Variants in APC observed in about 807,000 individuals in gnomAD.
APC encodes the protein APC regulator of Wnt signaling pathway, also known as adenomatous polyposis coli protein.
In APC, 72 loss-of-function variants were observed where a neutral mutation model predicts 247.0. The observed-to-expected ratio is 0.29, with a 90% CI of 0.24 to 0.35. The LOEUF is 0.35. Among genes scored for constraint, APC ranks in the 10% least tolerant of loss-of-function variants. The pLI is 1.00. For synonymous variants in APC, 1,254 were observed against 1,162.5 expected (o/e 1.08, Z -1.60); for missense variants, 3,400 against 3,360.7 (o/e 1.01, Z -0.29).
rs750370679 is a variant in APC, at chr5:112,844,164, A to G, written c.*38A>G. 1.3e-6 allele frequency: 2 copies of G among 1,541,454 alleles called. No homozygotes were observed. The highest frequency in any genetic ancestry group is 2.3e-5 in the East Asian group (1 of 44,240). On this transcript the variant is annotated 3_prime_UTR_variant, in exon 16 of 16. Coordinates refer to ENST00000257430, the MANE Select transcript of APC (RefSeq NM_000038.6). ...ATGAAACTAAGAAAATTCTATGTTAATTACAACTGCTATATAGACATTTTG... is the reference window on the plus strand; with the variant it reads ...ATGAAACTAAGAAAATTCTATGTTAGTTACAACTGCTATATAGACATTTTG...
At chr5:112,741,057 G>A (rs1362345138) in intron 1 of APC, among the ~76,000 whole-genome samples, 1 of 152,080 alleles carries the variant, frequency 6.6e-6, no homozygotes, top group Non-Finnish European at 1.5e-5. Context: ...GAGTATTATG[G>A]TTCAGAAAAG....
chr5:112,772,850 A>G (rs1757213989), intron 4 of APC, among the ~76,000 whole-genome samples: 1 of 152,130 alleles, frequency 6.6e-6, no homozygotes, highest in Admixed American at 6.5e-5. Flanking sequence ...TTTATTAGGA[A>G]GTAATGGAGG....
intron 15 of APC, among the ~76,000 whole-genome samples, chr5:112,835,572 A>AT (rs11376379): frequency 0.16 from 21,525 of 132,912 alleles, 2,073 homozygotes; most frequent in African/African-American, 0.27. Flanking sequence ...CATAATAATA[A>AT]TTTTTTTTTT....
chr5:112,769,113 G>A (rs11949316), intron 4 of APC, among the ~76,000 whole-genome samples: 3,895 of 139,694 alleles, frequency 0.028, 165 homozygotes, highest in African/African-American at 0.098. Context: ...GTGCAGTGGC[G>A]CAATCTTGGC....
At chr5:112,759,356 CTTTTTTTTTTTTT>C (rs887438895) in intron 2 of APC, among the ~76,000 whole-genome samples, 1 of 122,358 alleles carries the variant, frequency 8.2e-6, no homozygotes, top group East Asian at 2.3e-4. Context: ...TTCTTTCTTT[CTTTTTTTTTTTTT>C]TTTTTTTGAG....
chr5:112,716,101 C>A (rs576361025), intron 1 of APC, among the ~76,000 whole-genome samples: 1 of 152,016 alleles, frequency 6.6e-6, no homozygotes, highest in South Asian at 2.1e-4. Context: ...TTTTCTGTTG[C>A]GTTAATTTCT....
intron 4 of APC, among the ~76,000 whole-genome samples, chr5:112,770,872 A>G (rs1033879884): frequency 2.0e-5 from 3 of 152,164 alleles, no homozygotes; most frequent in African/African-American, 4.8e-5. Flanking sequence ...ATACACATAC[A>G]TATATATAAG....
At chr5:112,729,875 G>A in intron 1 of APC, among the ~76,000 whole-genome samples, 1 of 152,040 alleles carries the variant, frequency 6.6e-6, no homozygotes, top group East Asian at 1.9e-4. Context: ...ATCTTACAAG[G>A]GCAGTGAAAC....
chr5:112,811,946 A>G (rs911361556), intron 8 of APC, among the ~76,000 whole-genome samples: 1 of 152,148 alleles, frequency 6.6e-6, no homozygotes, highest in Non-Finnish European at 1.5e-5. Flanking sequence ...TCTGCTTCTA[A>G]GTTCACTTAC....
chr5:112,794,406 T>C (rs1373876986), intron 7 of APC, among the ~76,000 whole-genome samples: 1 of 152,214 alleles, frequency 6.6e-6, no homozygotes. Flanking sequence ...AAAGAAAATA[T>C]GTGCAGCTAT....
chr5:112,752,981 G>A (rs192816206), intron 1 of APC, among the ~76,000 whole-genome samples: 60 of 152,168 alleles, frequency 3.9e-4, no homozygotes, highest in African/African-American at 1.4e-3. Context: ...CTCTTTTTGT[G>A]GTTGTGTAAG....
chr5:112,813,928 T>A (rs1762230946), intron 8 of APC, among the ~76,000 whole-genome samples: 1 of 152,180 alleles, frequency 6.6e-6, no homozygotes, highest in Non-Finnish European at 1.5e-5. Flanking sequence ...TTTACCTTCT[T>A]CAATTAGCCA....
chr5:112,715,276 G>A (rs1406389925), intron 1 of APC, among the ~76,000 whole-genome samples: 1 of 152,222 alleles, frequency 6.6e-6, no homozygotes, highest in Non-Finnish European at 1.5e-5. Flanking sequence ...CAGAGCCTGT[G>A]TTGTCTGAGC....
chr5:112,725,084 AGC>A (rs1751697941), intron 1 of APC, among the ~76,000 whole-genome samples: 1 of 152,036 alleles, frequency 6.6e-6, no homozygotes, highest in African/African-American at 2.4e-5. Context: ...CCTGGATTCA[AGC>A]CATTCTCGTG....
rs1370948333 is a variant in APC at position 112,842,375 on chromosome 5, C to G, written c.6781C>G (p.Pro2261Ala). The part of the protein sequence containing the change: ...PPLKTPASKS[P>A]SEGQTATTSP... ...CCTTAAGACTCCAGCCTCCAAAAGCCCTAGTGAAGGTCAAACAGCCACCAC... is the reference window on the plus strand; with the variant it reads ...CCTTAAGACTCCAGCCTCCAAAAGCGCTAGTGAAGGTCAAACAGCCACCAC... Residue 2261 changes from proline to alanine, a missense_variant, in exon 16 of 16, where the codon CCT (proline) becomes GCT (alanine). By Grantham distance (27) the Pro-to-Ala change is conservative (BLOSUM62 -1). Transcript: ENST00000257430. 1 of 1,614,044 alleles carries G rather than the reference C, an allele frequency of 6.2e-7. No homozygotes were observed. Among genetic ancestry groups the G allele is most frequent in the Non-Finnish European group, 8.5e-7 (1 of 1,179,960 alleles).
At position 112,841,555 on chromosome 5, in the gene APC, CAA is replaced by C. The variant is rs758682585; in HGVS notation, c.5963_5964del (p.Lys1988ArgfsTer3). 1.2e-6 allele frequency: 2 copies of C among 1,613,962 alleles called. No individual in the cohort carries two copies. The highest frequency in any genetic ancestry group is 1.7e-5 in the Admixed American group (1 of 59,998). ...ACAACAATAAAGAAAATGAACCTAT[CAA>C]AGAGACTGAGCCCCCTGACTCACAG... The part of the protein sequence containing the change: ...ENNNKENEPI[K>X]ETEPPDSQGE... On this transcript the variant is annotated frameshift_variant, in exon 16 of 16. Coordinates refer to ENST00000257430, the MANE Select transcript of APC (RefSeq NM_000038.6). LOFTEE classifies it high-confidence loss of function. This position sits in a 1 kb window ranked among gnomAD's most constrained non-coding sequence, Gnocchi z 4.6.
intron 1 of APC, among the ~76,000 whole-genome samples, chr5:112,738,799 G>A (rs1323111607): frequency 6.6e-6 from 1 of 152,182 alleles, no homozygotes. Flanking sequence ...ATAATGTCAG[G>A]CTATGAATGT....
chr5:112,795,410 A>G (rs1760109664), intron 7 of APC, among the ~76,000 whole-genome samples: 2 of 152,192 alleles, frequency 1.3e-5, no homozygotes, highest in African/African-American at 4.8e-5. Flanking sequence ...TTTATTCTGT[A>G]GGCATGATTA....
intron 14 of APC, chr5:112,829,885 A>G (rs550410770): frequency 2.0e-5 from 3 of 152,214 alleles, no homozygotes; most frequent in Non-Finnish European, 4.4e-5. Context: ...TAATTTGTTT[A>G]CAGAAGGAAA....
Sources: allele counts gnomAD v4.1 joint callset (sites outside exome capture counted in the v4.1 genomes callset), GRCh38; gene constraint gnomAD v4.1.1; non-coding constraint Gnocchi (gnomAD v3.1); transcripts MANE v1.5; gene names NCBI Gene and HGNC (gene_info 2026-07-23, HGNC 2026-07-21).